The following UNC79 variants were observed in gnomAD, a reference collection of about 807,000 sequenced individuals.
UNC79 encodes the protein unc-79 subunit of NALCN channel complex.
A neutral mutation model predicts 283.1 loss-of-function variants in UNC79; 37 were observed. The observed-to-expected ratio is 0.13, with a 90% CI of 0.10 to 0.17. The LOEUF (loss-of-function observed/expected upper bound fraction) is 0.17, where lower values mean the gene tolerates loss of function less well. UNC79 is among the 10% of genes least tolerant of loss of function. The pLI is 1.00. For missense variants in UNC79, 2,272 were observed against 3,211.1 expected, an observed-to-expected ratio of 0.71 and a Z score of 7.07; for synonymous variants, 1,107 against 1,200.2, an observed-to-expected ratio of 0.92 and a Z score of 1.61.
downstream of UNC79, chr14:93,707,252 GAATA>G (rs952459322): frequency 4.9e-6 from 1 of 203,268 alleles, no homozygotes; most frequent in Non-Finnish European, 9.8e-6. Flanking sequence ...TGATGATAGA[GAATA>G]AATAGGGTTT....
In UNC79 at chr14:93,333,448, A is replaced by G. The variant is rs148406077; in HGVS notation, c.-426A>G. ...AATGAGTGCATCTTTCTCGAGAACA[A>G]CTCTTCCGCGGAAAGTCATTGCTGA... On this transcript the variant is annotated 5_prime_UTR_variant, in exon 1 of 50. Coordinates refer to the UNC79 transcript ENST00000256339. The G allele has an allele frequency of 6.8e-4, 272 of 397,654 alleles. 3 individuals are homozygous for G. The East Asian group carries it at 7.5e-3, about 11-fold the overall frequency. 24.6% of individuals were successfully genotyped at this position (397,654 alleles called of 1,614,324 possible).
intron 47 of UNC79, among the ~76,000 whole-genome samples, chr14:93,697,969 C>T (rs929634967): frequency 6.6e-6 from 1 of 152,188 alleles, no homozygotes; most frequent in Non-Finnish European, 1.5e-5. Context: ...TACTTTCTAA[C>T]TTCTCTTTTG....
At chr14:93,543,295 T>C (rs2141212891) in intron 14 of UNC79, among the ~76,000 whole-genome samples, 1 of 152,044 alleles carries the variant, frequency 6.6e-6, no homozygotes, top group South Asian at 2.1e-4. Flanking sequence ...CACCTATTCC[T>C]CTCACTTAAG....
chr14:93,529,359 G>A, intron 10 of UNC79, 33 bp downstream of exon 10: 4 of 1,609,830 alleles, frequency 2.5e-6, no homozygotes, highest in Non-Finnish European at 3.4e-6. Context: ...TGAATAATGA[G>A]TAATCATGAC....
In UNC79 at chr14:93,509,198, C is replaced by T. The variant is rs191300354; in HGVS notation, c.898+11912C>T. On this transcript the variant is annotated intron_variant, in intron 7 of 48. Transcript: ENST00000555664. Reference sequence around the variant, plus strand: ...TGAGAGCAGCAAGGGGGAAATCCACCCCCATGATCCAATCACCCCTCACCA... The same window carrying T: ...TGAGAGCAGCAAGGGGGAAATCCACTCCCATGATCCAATCACCCCTCACCA... Among the ~76,000 whole-genome samples, 73 of 152,230 alleles carry T rather than the reference C, an allele frequency of 4.8e-4. No homozygotes were observed. In the East Asian group the frequency reaches 0.012, roughly 24 times the overall value.
chr14:93,562,551 T>C (rs1595877647), intron 14 of UNC79, among the ~76,000 whole-genome samples: 2 of 152,094 alleles, frequency 1.3e-5, no homozygotes, highest in East Asian at 1.9e-4. Flanking sequence ...CTGAGCTTGG[T>C]GAGGTGTGTT....
At chr14:93,355,707 C>G (rs866594761) in intron 1 of UNC79, among the ~76,000 whole-genome samples, 1 of 152,246 alleles carries the variant, frequency 6.6e-6, no homozygotes, top group Non-Finnish European at 1.5e-5. Context: ...TCAGCTTCAT[C>G]TCTTAACAAC....
At chr14:93,350,511 A>AT (rs1405209143) in intron 1 of UNC79, among the ~76,000 whole-genome samples, 1 of 152,216 alleles carries the variant, frequency 6.6e-6, no homozygotes, top group East Asian at 1.9e-4. Context: ...GTTATAAGGT[A>AT]TAAGAAACAG....
chr14:93,706,596 AC>A, intron 48 of UNC79, 107 bp from the exon 52 acceptor site: 1 of 1,282,834 alleles, frequency 7.8e-7, no homozygotes, highest in Non-Finnish European at 1.1e-6. Context: ...AGGCCAGACA[AC>A]CCTTGAGCCA....
rs149873014 is a variant in UNC79, at chr14:93,636,560, C to T, written c.5717-656C>T. The stretch of plus-strand genomic sequence containing the variant: ...GGCACCTGAGAAAGGCAGCCTAAAA[C>T]ATGGATCTGATCAGTTCACGTCAGC... On this transcript the variant is annotated intron_variant, in intron 31 of 48. Transcript: ENST00000555664. Among the ~76,000 whole-genome samples, 1,333 of 152,288 alleles carry T rather than the reference C, an allele frequency of 8.8e-3. 13 individuals carry two copies. Among genetic ancestry groups the T allele is most frequent in the Non-Finnish European group, 0.011 (732 of 68,018 alleles).
chr14:93,406,599 C>G (rs780013402), intron 1 of UNC79, among the ~76,000 whole-genome samples: 4 of 151,984 alleles, frequency 2.6e-5, no homozygotes, highest in Non-Finnish European at 5.9e-5. Flanking sequence ...AAAAAGAAAA[C>G]AAGGAAACAA....
chr14:93,484,958 G>A (rs138237141), intron 4 of UNC79, among the ~76,000 whole-genome samples: 7 of 152,274 alleles, frequency 4.6e-5, no homozygotes, highest in Admixed American at 3.9e-4. Flanking sequence ...ACATCCAGAG[G>A]TGGCTGAGCC....
In UNC79 at chr14:93,417,620, C is replaced by T. The variant is rs981406712; in HGVS notation, c.-350-50051C>T. On this transcript the variant is annotated intron_variant, in intron 1 of 49. Coordinates refer to the UNC79 transcript ENST00000256339. ...TGGATAATATCCTGCAGAGTGTTTT[C>T]CAACTTGGTTCCATTCTCCCCGTCA... is the stretch of plus-strand genomic sequence containing the variant. Among the ~76,000 whole-genome samples, 17 of 152,312 alleles carry T rather than the reference C, an allele frequency of 1.1e-4. 1 individual carries two copies. The highest frequency in any genetic ancestry group is 3.4e-4 in the African/African-American group (14 of 41,558).
chr14:93,409,245 A>G (rs2055286967), intron 1 of UNC79, among the ~76,000 whole-genome samples: 1 of 152,352 alleles, frequency 6.6e-6, no homozygotes, highest in Non-Finnish European at 1.5e-5. Context: ...CCTAAAATCA[A>G]TATTCTTTCT....
At chr14:93,403,241 G>C (rs76408428) in intron 1 of UNC79, among the ~76,000 whole-genome samples, 1 of 152,182 alleles carries the variant, frequency 6.6e-6, no homozygotes, top group Non-Finnish European at 1.5e-5. Context: ...CATTTTTCTC[G>C]TGTAAGCAGA....
chr14:93,536,203 G>A (rs1034186461), intron 11 of UNC79, among the ~76,000 whole-genome samples: 3 of 152,234 alleles, frequency 2.0e-5, no homozygotes, highest in Non-Finnish European at 4.4e-5. Context: ...AGGTAGTCAT[G>A]TCCGAATCTC....
intron 26 of UNC79, among the ~76,000 whole-genome samples, chr14:93,609,113 T>G (rs2066106696): frequency 6.6e-6 from 1 of 152,230 alleles, no homozygotes; most frequent in African/African-American, 2.4e-5. Context: ...CCTTAGAAAT[T>G]TAAAGAATTT....
At chr14:93,449,982 A>G (rs1336897082) in intron 1 of UNC79, among the ~76,000 whole-genome samples, 1 of 152,212 alleles carries the variant, frequency 6.6e-6, no homozygotes, top group East Asian at 1.9e-4. Flanking sequence ...CCTCTTTCAT[A>G]TCATGAAGAT....
intron 22 of UNC79, among the ~76,000 whole-genome samples, chr14:93,590,700 G>A (rs537106520): frequency 1.4e-4 from 21 of 152,276 alleles, no homozygotes; most frequent in Non-Finnish European, 2.5e-4. Flanking sequence ...ACAATGAAAG[G>A]ACTTGTGGAA....
Sources: gnomAD v4.1 joint callset for allele counts (sites outside exome capture counted in the v4.1 genomes callset) on GRCh38, gnomAD v4.1.1 for gene constraint, MANE v1.5 for transcripts, NCBI Gene and HGNC (gene_info 2026-07-23, HGNC 2026-07-21) for gene names.